DPP6: variants seen among roughly 807,000 people sequenced by gnomAD.
The protein encoded by DPP6 is A-type potassium channel modulatory protein DPP6.
A neutral mutation model predicts 122.6 loss-of-function variants in DPP6; 69 were observed. That is an observed-to-expected ratio of 0.56 (90% CI 0.46 to 0.69). DPP6 has a LOEUF of 0.69. Ranked by LOEUF, DPP6 falls within the 30% of genes least tolerant of loss-of-function variation. The pLI, the probability that DPP6 is intolerant of heterozygous loss-of-function variation, is 0.00. For missense variants in DPP6, 928 were observed against 1,116.9 expected, an observed-to-expected ratio of 0.83 and a Z score of 2.41; for synonymous variants, 418 against 433.1, an observed-to-expected ratio of 0.97 and a Z score of 0.43.
In DPP6 at chr7:154,458,119, A is replaced by G. The variant is rs983757295; in HGVS notation, c.358+11791A>G. Among the ~76,000 whole-genome samples the G allele has an allele frequency of 3.3e-4, 51 of 152,296 alleles. 1 individual carries two copies. The highest frequency in any genetic ancestry group is 1.2e-3 in the African/African-American group (49 of 41,566). On this transcript the variant is annotated intron_variant, in intron 2 of 25. Transcript: ENST00000377770. ...CCCCAGAGGCTGGAAGAGACAAAGA[A>G]CAGATGTGATATGGCTTGGCTGTAT... is the stretch of plus-strand genomic sequence containing the variant.
intron 7 of DPP6, among the ~76,000 whole-genome samples, chr7:154,671,868 A>ACACACACATG (rs1554431538): frequency 2.0e-5 from 3 of 150,486 alleles, no homozygotes; most frequent in Admixed American, 6.6e-5. Flanking sequence ...ACACATGCAC[A>ACACACACATG]CACACACACA....
intron 6 of DPP6, among the ~76,000 whole-genome samples, chr7:154,668,219 A>ATATATAT (rs1554430259): frequency 3.9e-4 from 21 of 54,326 alleles, no homozygotes; most frequent in East Asian, 8.3e-4. Context: ...ATATATATAT[A>ATATATAT]ATATACACAT....
At chr7:154,044,741 G>A (rs1310595781) in intron 1 of DPP6, among the ~76,000 whole-genome samples, 1 of 152,110 alleles carries the variant, frequency 6.6e-6, no homozygotes, top group African/African-American at 2.4e-5. Flanking sequence ...AGTGGATTCA[G>A]GAGAATTAAG....
Position 153,928,396 on chromosome 7 carries a change from A to ATTTTTTTTT in DPP6, c.51+40679_51+40687dup, listed in dbSNP as rs71182854. ...CTGGCTAATTTTTTTCTTTTCTTTC[A>ATTTTTTTTT]TTTTTTTTTTTTTTTTTTTTTTTTT... On this transcript the variant is annotated intron_variant, in intron 1 of 25. Coordinates refer to the DPP6 transcript ENST00000404039. 3.4e-3 allele frequency among the ~76,000 whole-genome samples: 149 copies of ATTTTTTTTT among 43,686 alleles called. 16 individuals carry two copies. Among genetic ancestry groups the ATTTTTTTTT allele is most frequent in the East Asian group, 0.015 (24 of 1,586 alleles). The allele number at this position is 43,686 out of a possible 152,430, so 28.7% of individuals were successfully genotyped here. A position where few individuals can be genotyped will look rare whatever the true frequency, so the allele number is the denominator to read the frequency against.
At chr7:153,853,115 T>G in the DPP6 span, among the ~76,000 whole-genome samples, 8 of 152,292 alleles carry the variant, frequency 5.3e-5, no homozygotes, top group East Asian at 9.6e-4. Flanking sequence ...AAAAGAGGAA[T>G]CACAGAGGAA....
chr7:153,771,491 C>A, the DPP6 span, among the ~76,000 whole-genome samples: 10 of 152,104 alleles, frequency 6.6e-5, no homozygotes, highest in Non-Finnish European at 1.2e-4. Flanking sequence ...AGGCATGTGC[C>A]ACCACGCCTG....
At chr7:153,794,401 C>T in the DPP6 span, among the ~76,000 whole-genome samples, 1 of 152,160 alleles carries the variant, frequency 6.6e-6, no homozygotes, top group Admixed American at 6.5e-5. Flanking sequence ...GGATTTCAGA[C>T]TTGCATGGGC....
intron 1 of DPP6, among the ~76,000 whole-genome samples, chr7:153,964,999 T>TTCC (rs1563055951): frequency 9.6e-5 from 6 of 62,442 alleles, no homozygotes; most frequent in African/African-American, 3.8e-4. Context: ...TTCCTTCCTT[T>TTCC]CTTCCTTCCT....
chr7:154,663,626 C>G (rs1161085138), intron 6 of DPP6, among the ~76,000 whole-genome samples: 1 of 26,924 alleles, frequency 3.7e-5, no homozygotes, highest in African/African-American at 7.2e-5. Context: ...AGTGTTCACG[C>G]AGTCATGGTG....
chr7:153,814,484 A>G, the DPP6 span, among the ~76,000 whole-genome samples: 1 of 152,152 alleles, frequency 6.6e-6, no homozygotes, highest in African/African-American at 2.4e-5. Context: ...CCAACCAAAA[A>G]GAGTCCAGGA....
intron 1 of DPP6, among the ~76,000 whole-genome samples, chr7:154,166,140 T>C (rs1226228348): frequency 6.6e-6 from 1 of 152,192 alleles, no homozygotes; most frequent in Non-Finnish European, 1.5e-5. Context: ...ATTACAGCGT[T>C]ATTAAACTCC....
At chr7:154,304,712 A>C (rs1806140447) in intron 1 of DPP6, among the ~76,000 whole-genome samples, 1 of 152,214 alleles carries the variant, frequency 6.6e-6, no homozygotes, top group Non-Finnish European at 1.5e-5. Context: ...AACAAAGCCC[A>C]AGATTTCAAC....
At chr7:154,841,027 T>G (rs1801487594) in intron 16 of DPP6, among the ~76,000 whole-genome samples, 1 of 152,194 alleles carries the variant, frequency 6.6e-6, no homozygotes. Context: ...GTTGAAGAGA[T>G]AAGACATAAC....
intron 1 of DPP6, among the ~76,000 whole-genome samples, chr7:153,972,154 T>G (rs1203537988): frequency 1.3e-5 from 2 of 151,300 alleles, no homozygotes; most frequent in Non-Finnish European, 3.0e-5. Flanking sequence ...TGTCTCTGAT[T>G]TCATGAAGGA....
intron 1 of DPP6, among the ~76,000 whole-genome samples, chr7:153,903,479 A>G (rs73163436): frequency 0.24 from 36,900 of 152,174 alleles, 4,523 homozygotes; most frequent in Middle Eastern, 0.27. Flanking sequence ...TCAATGAGAA[A>G]ACTGCCCAGG....
At chr7:154,628,188 G>A (rs1214288037) in intron 5 of DPP6, among the ~76,000 whole-genome samples, 1 of 152,188 alleles carries the variant, frequency 6.6e-6, no homozygotes, top group African/African-American at 2.4e-5. Flanking sequence ...AACAGGGGCT[G>A]TTGAGCCTTT....
intron 16 of DPP6, among the ~76,000 whole-genome samples, chr7:154,847,193 C>A (rs1307594762): frequency 6.6e-6 from 1 of 152,076 alleles, no homozygotes; most frequent in East Asian, 1.9e-4. Flanking sequence ...CCACTGACAC[C>A]CCCAACACGG....
chr7:154,634,712 T>C (rs557196463), intron 5 of DPP6, among the ~76,000 whole-genome samples: 52 of 152,104 alleles, frequency 3.4e-4, no homozygotes, highest in African/African-American at 1.2e-3. Context: ...TCCTTCTTCT[T>C]CCTTCTTCTC....
intron 1 of DPP6, among the ~76,000 whole-genome samples, chr7:154,225,888 C>T (rs985478082): frequency 6.6e-6 from 1 of 152,146 alleles, no homozygotes; most frequent in Non-Finnish European, 1.5e-5. Flanking sequence ...ACTTTAACTT[C>T]GTATAGCAAG....
Sources: allele counts gnomAD v4.1 joint callset (sites outside exome capture counted in the v4.1 genomes callset), GRCh38; gene constraint gnomAD v4.1.1; transcripts MANE v1.5; gene names NCBI Gene and HGNC (gene_info 2026-07-23, HGNC 2026-07-21).